MESD: variants seen among roughly 807,000 people sequenced by gnomAD.
The protein encoded by MESD is LRP chaperone MESD.
In MESD, 7 loss-of-function variants were observed where a neutral mutation model predicts 12.9. That is an observed-to-expected ratio of 0.54 (90% confidence interval 0.31 to 1.02). The LOEUF is 1.02. Ranked by LOEUF, MESD falls within the 50% of genes least tolerant of loss-of-function variation. The probability of loss-of-function intolerance (pLI) is 0.05; values close to 1 mark genes in which losing one functional copy is unlikely to be tolerated. For synonymous variants in MESD, 126 were observed against 115.6 expected, an observed-to-expected ratio of 1.09 and a Z score of -0.58; for missense variants, 342 against 296.7, an observed-to-expected ratio of 1.15 and a Z score of -1.12.
At chr15:80,964,331 A>C (rs967331118) in intron 3 of MESD, among the ~76,000 whole-genome samples, 1 of 152,240 alleles carries the variant, frequency 6.6e-6, no homozygotes, top group Non-Finnish European at 1.5e-5. Context: ...AAGAGGACAC[A>C]AACAAATGGA....
chr15:80,947,240 C>T (rs190394356), downstream of MESD: 10 of 604,516 alleles, frequency 1.7e-5, no homozygotes, highest in East Asian at 1.4e-4. Context: ...GGCAAGATGC[C>T]ACCTGTTTAC....
chr15:80,955,617 G>A (rs1325847813), intron 3 of MESD, among the ~76,000 whole-genome samples: 2 of 91,088 alleles, frequency 2.2e-5, no homozygotes, highest in Non-Finnish European at 4.5e-5. Flanking sequence ...GTGTTTGTGC[G>A]TGTGTGTGTG....
chr15:80,970,040 G>A (rs1315646114), intron 3 of MESD, among the ~76,000 whole-genome samples: 3 of 152,218 alleles, frequency 2.0e-5, no homozygotes, highest in Admixed American at 1.3e-4. Context: ...ACATGGATAA[G>A]ATAATCCCTT....
intron 1 of MESD, among the ~76,000 whole-genome samples, chr15:80,987,435 T>TA (rs1902763004): frequency 1.3e-5 from 2 of 151,954 alleles, no homozygotes; most frequent in African/African-American, 2.4e-5. Flanking sequence ...GCTTTACAGA[T>TA]ACGTAAAACT....
rs761650773 is a variant in MESD, at chr15:80,982,040, G to C, written c.356C>G (p.Thr119Ser). The change falls in exon 2 of 3, where the codon ACT (threonine) becomes AGT (serine). Residue 119 changes from threonine to serine, a missense_variant. Coordinates refer to ENST00000261758, the MANE Select transcript of MESD (RefSeq NM_015154.3). ...KKGKTLMMFV[T>S]VSGSPTEKET... ...CTTCTCAGTAGGGCTTCCTGATACA[G>C]TGACAAACATCATGAGAGTCTTCCC... is the stretch of plus-strand genomic sequence containing the variant. 6.2e-7 allele frequency: 1 copy of C among 1,614,182 alleles called. No homozygotes were observed. The highest frequency in any genetic ancestry group is 1.1e-5 in the South Asian group (1 of 91,088).
At chr15:80,981,918 A>C in intron 2 of MESD, 32 bp downstream of exon 2, 1 of 1,398,824 alleles carries the variant, frequency 7.1e-7, no homozygotes, top group Non-Finnish European at 1.0e-6. Context: ...AGCACAGCCT[A>C]TGAGTCTCTC....
intron 1 of MESD, among the ~76,000 whole-genome samples, chr15:80,983,702 A>T (rs1902647949): frequency 6.6e-6 from 1 of 152,164 alleles, no homozygotes; most frequent in African/African-American, 2.4e-5. Context: ...ACAAAGTAGT[A>T]AAGTGCTCAA....
chr15:80,982,214 T>C, intron 1 of MESD, 32 bp from the exon 2 acceptor site: 1 of 1,583,042 alleles, frequency 6.3e-7, no homozygotes, highest in Non-Finnish European at 8.7e-7. Context: ...ATCAAACCTA[T>C]CATCAGAATC....
At chr15:80,970,830 A>G (rs1387025822), downstream of MESD, among the ~76,000 whole-genome samples, 1 of 152,242 alleles carries the variant, frequency 6.6e-6, no homozygotes, top group Non-Finnish European at 1.5e-5. Flanking sequence ...TGGGGGCAGT[A>G]GATGGAAAAT....
At chr15:80,950,021 G>A (rs1041029911) in intron 4 of MESD, 1 of 152,020 alleles carries the variant, frequency 6.6e-6, no homozygotes, top group African/African-American at 2.4e-5. Context: ...GAGCACAGAG[G>A]AATTCAGTCC....
intron 1 of MESD, among the ~76,000 whole-genome samples, chr15:80,985,493 G>A (rs902931891): frequency 6.6e-6 from 1 of 152,060 alleles, no homozygotes; most frequent in African/African-American, 2.4e-5. Context: ...AGTTGTTTCT[G>A]TCTTTATCTT....
chr15:80,957,598 A>C (rs1211814098), intron 3 of MESD, among the ~76,000 whole-genome samples: 1 of 149,226 alleles, frequency 6.7e-6, no homozygotes, highest in Non-Finnish European at 1.5e-5. Context: ...ATCCACTGCA[A>C]AACACACACA....
chr15:80,984,298 G>A (rs992378122), intron 1 of MESD, among the ~76,000 whole-genome samples: 2 of 152,160 alleles, frequency 1.3e-5, no homozygotes, highest in African/African-American at 4.8e-5. Flanking sequence ...TACTGGCTGG[G>A]TATGGTGGCT....
downstream of MESD, among the ~76,000 whole-genome samples, chr15:80,973,762 GT>G (rs201566417): frequency 8.2e-5 from 12 of 146,844 alleles, no homozygotes; most frequent in African/African-American, 1.5e-4. Flanking sequence ...CATGGTTTTT[GT>G]TTTTTTTTTA....
intron 3 of MESD, chr15:80,970,632 C>T (rs1404132763): frequency 6.6e-6 from 1 of 152,246 alleles, no homozygotes; most frequent in Non-Finnish European, 1.5e-5. Flanking sequence ...TCAGCCACTC[C>T]TATTCTTCGG....
intron 3 of MESD, among the ~76,000 whole-genome samples, chr15:80,969,061 C>G (rs1220522208): frequency 6.6e-6 from 1 of 152,112 alleles, no homozygotes; most frequent in Non-Finnish European, 1.5e-5. Context: ...TGTGATGGTG[C>G]ACACCTGTGG....
intron 2 of MESD, among the ~76,000 whole-genome samples, chr15:80,980,023 G>A (rs76877681): frequency 0.067 from 10,209 of 152,262 alleles, 447 homozygotes; most frequent in Middle Eastern, 0.18. Flanking sequence ...GTCCACACTC[G>A]AAAGGTCCCA....
In MESD at chr15:80,958,545, C is replaced by T. The variant is rs151128817; in HGVS notation, c.*289-6249G>A. Among the ~76,000 whole-genome samples the T allele has an allele frequency of 2.2e-3, 341 of 152,286 alleles. 3 individuals are homozygous for T. Among genetic ancestry groups the T allele is most frequent in the African/African-American group, 7.8e-3 (323 of 41,548 alleles). On this transcript the variant is annotated intron_variant, in intron 3 of 4. Coordinates refer to the MESD transcript ENST00000561312. ...ATGGGGTTTTGCCACGTTGCCCAGGCTGGTCTCGAACTCCCGAGCTCAGGT... is the reference window on the plus strand; with the variant it reads ...ATGGGGTTTTGCCACGTTGCCCAGGTTGGTCTCGAACTCCCGAGCTCAGGT...
chr15:80,947,229 G>A, downstream of MESD: 1 of 613,830 alleles, frequency 1.6e-6, no homozygotes, highest in South Asian at 2.0e-5. Context: ...TGGAATGGAT[G>A]GGCAAGATGC....
Sources: allele counts gnomAD v4.1 joint callset (sites outside exome capture counted in the v4.1 genomes callset), GRCh38; gene constraint gnomAD v4.1.1; transcripts MANE v1.5; gene names NCBI Gene and HGNC (gene_info 2026-07-23, HGNC 2026-07-21).